MAD1L1: variants seen among roughly 807,000 people sequenced by gnomAD.
The protein encoded by MAD1L1 is mitotic arrest deficient 1 like 1.
A neutral mutation model predicts 96.9 loss-of-function variants in MAD1L1; 95 were observed. The observed-to-expected ratio is 0.98, with a 90% CI of 0.83 to 1.16. MAD1L1 has a LOEUF of 1.16. Among genes scored for constraint, MAD1L1 ranks in the 50% most tolerant of loss-of-function variants. The pLI, the probability that MAD1L1 is intolerant of heterozygous loss-of-function variation, is 0.00. For synonymous variants in MAD1L1, 473 were observed against 396.6 expected (o/e 1.19, Z -2.29); for missense variants, 1,007 against 954.4 (o/e 1.06, Z -0.73).
At chr7:2,222,090 T>G (rs1383999828) in intron 5 of MAD1L1, among the ~76,000 whole-genome samples, 1 of 151,996 alleles carries the variant, frequency 6.6e-6, no homozygotes, top group South Asian at 2.1e-4. Flanking sequence ...TTTTTTTTTT[T>G]TGAGACAGAG....
chr7:2,031,178 C>T (rs527943333), intron 12 of MAD1L1, among the ~76,000 whole-genome samples: 4 of 152,300 alleles, frequency 2.6e-5, no homozygotes, highest in East Asian at 3.9e-4. Context: ...AGAGGAAGCA[C>T]GGGGTCCTCT....
intron 18 of MAD1L1, among the ~76,000 whole-genome samples, chr7:1,822,949 G>C (rs1782208139): frequency 6.6e-6 from 1 of 152,030 alleles, no homozygotes; most frequent in South Asian, 2.1e-4. Context: ...ACTCGAAAGA[G>C]ACCCACAGAC....
chr7:2,042,610 G>A (rs1011262572), intron 12 of MAD1L1, among the ~76,000 whole-genome samples: 15 of 152,124 alleles, frequency 9.9e-5, no homozygotes, highest in East Asian at 1.9e-4. Context: ...TTATGAGGGC[G>A]GATCCCTCAC....
chr7:1,941,900 C>T lies in MAD1L1; in HGVS notation c.1597-5003G>A, dbSNP rs115656198. Among the ~76,000 whole-genome samples, 580 of 152,242 alleles carry T rather than the reference C, an allele frequency of 3.8e-3. 7 individuals carry two copies. Among genetic ancestry groups the T allele is most frequent in the African/African-American group, 0.013 (548 of 41,548 alleles). ...CGCTAGGGCTCTGTGCAGATGGCAACATTCCAGGCACCTAGTCGTCTTTCT... is the reference window on the plus strand; with the variant it reads ...CGCTAGGGCTCTGTGCAGATGGCAATATTCCAGGCACCTAGTCGTCTTTCT... On this transcript the variant is annotated intron_variant, in intron 16 of 18. Coordinates refer to ENST00000265854, the MANE Select transcript of MAD1L1 (RefSeq NM_001013836.2).
chr7:1,862,786 G>A (rs1222669168), intron 18 of MAD1L1, among the ~76,000 whole-genome samples: 2 of 152,230 alleles, frequency 1.3e-5, no homozygotes, highest in Admixed American at 1.3e-4. Context: ...AACAGTGCTT[G>A]CTATAAATAG....
chr7:1,989,258 C>T (rs1295780890), intron 14 of MAD1L1, among the ~76,000 whole-genome samples: 2 of 152,238 alleles, frequency 1.3e-5, no homozygotes, highest in Non-Finnish European at 2.9e-5. Flanking sequence ...ACGGCTCTAA[C>T]GAAACGTGGA....
intron 17 of MAD1L1, among the ~76,000 whole-genome samples, chr7:1,914,360 C>T (rs1583766328): frequency 6.6e-6 from 1 of 152,332 alleles, no homozygotes; most frequent in Non-Finnish European, 1.5e-5. Flanking sequence ...TCCTGGTGGC[C>T]CGCTACAATC....
intron 15 of MAD1L1, among the ~76,000 whole-genome samples, chr7:1,975,573 G>C (rs564178119): frequency 6.6e-6 from 1 of 152,220 alleles, no homozygotes; most frequent in African/African-American, 2.4e-5. Flanking sequence ...AGTTTCATGA[G>C]GGGACTTAGA....
intron 17 of MAD1L1, among the ~76,000 whole-genome samples, chr7:1,915,733 G>T (rs1263794259): frequency 6.6e-6 from 1 of 152,240 alleles, no homozygotes; most frequent in Non-Finnish European, 1.5e-5. Context: ...TTTTCCGCCA[G>T]CGGGGCCAAA....
At chr7:2,165,129 G>A (rs893229552) in intron 10 of MAD1L1, among the ~76,000 whole-genome samples, 18 of 151,982 alleles carry the variant, frequency 1.2e-4, no homozygotes, top group Non-Finnish European at 1.9e-4. Flanking sequence ...GCCTCAACCC[G>A]GGAGGTGGAG....
chr7:2,122,905 G>A (rs1005961832), intron 11 of MAD1L1, among the ~76,000 whole-genome samples: 7 of 152,240 alleles, frequency 4.6e-5, no homozygotes, highest in African/African-American at 1.4e-4. Context: ...GCCCCTCCCA[G>A]GTGAGCTTCC....
intron 9 of MAD1L1, among the ~76,000 whole-genome samples, chr7:2,215,235 G>GGGTGT (rs1474044899): frequency 6.6e-6 from 1 of 151,978 alleles, no homozygotes; most frequent in African/African-American, 2.4e-5. Context: ...AAAATTAGCC[G>GGGTGT]GGTGTGGTGG....
chr7:1,859,884 G>A (rs954595420), intron 18 of MAD1L1, among the ~76,000 whole-genome samples: 5 of 143,920 alleles, frequency 3.5e-5, no homozygotes, highest in African/African-American at 1.3e-4. Flanking sequence ...TGTGACATCC[G>A]GCGGGGCTGC....
At chr7:1,939,792 G>A (rs1211102864) in intron 16 of MAD1L1, among the ~76,000 whole-genome samples, 1 of 152,194 alleles carries the variant, frequency 6.6e-6, no homozygotes, top group Non-Finnish European at 1.5e-5. Flanking sequence ...AAGAGCTCAG[G>A]CTGCTGTGGG....
At chr7:2,085,591 T>C (rs1785875687) in intron 11 of MAD1L1, among the ~76,000 whole-genome samples, 1 of 152,196 alleles carries the variant, frequency 6.6e-6, no homozygotes, top group South Asian at 2.1e-4. Context: ...GTGGTGGCCT[T>C]TCATACTGTT....
At chr7:1,871,603 C>T (rs1342266686) in intron 18 of MAD1L1, among the ~76,000 whole-genome samples, 9 of 147,864 alleles carry the variant, frequency 6.1e-5, no homozygotes, top group Admixed American at 5.4e-4. Context: ...ACACCTGCCA[C>T]GCCGAACCCA....
At chr7:2,221,132 C>T (rs1030317076) in intron 5 of MAD1L1, 22 of 1,008,330 alleles carry the variant, frequency 2.2e-5, no homozygotes, top group Non-Finnish European at 3.1e-5. Flanking sequence ...TGCAGCGCCA[C>T]CATCTTCCCC....
intron 17 of MAD1L1, among the ~76,000 whole-genome samples, chr7:1,921,179 C>T (rs1359257707): frequency 6.6e-6 from 1 of 152,200 alleles, no homozygotes; most frequent in Non-Finnish European, 1.5e-5. Flanking sequence ...GTGAGGGAGG[C>T]GGCCCTGAGG....
At chr7:2,093,484 G>A (rs1046343094) in intron 11 of MAD1L1, among the ~76,000 whole-genome samples, 4 of 152,216 alleles carry the variant, frequency 2.6e-5, no homozygotes, top group African/African-American at 9.7e-5. Context: ...TGGGAAGAGG[G>A]ACGACGGGAA....
Sources: gnomAD v4.1 joint callset for allele counts (sites outside exome capture counted in the v4.1 genomes callset) on GRCh38, gnomAD v4.1.1 for gene constraint, MANE v1.5 for transcripts, NCBI Gene and HGNC (gene_info 2026-07-23, HGNC 2026-07-21) for gene names.